The following IMMP2L variants were observed in gnomAD, a reference collection of about 807,000 sequenced individuals.
The protein encoded by IMMP2L is mitochondrial inner membrane protease subunit 2.
In IMMP2L, 18 loss-of-function variants were observed where a neutral mutation model predicts 19.3. That is an observed-to-expected ratio of 0.93 (90% CI 0.64 to 1.38). The LOEUF (loss-of-function observed/expected upper bound fraction) is 1.38. IMMP2L is among the 40% of genes most tolerant of loss of function. IMMP2L has a pLI of 0.00. For synonymous variants in IMMP2L, 76 were observed against 73.0 expected (o/e 1.04, Z -0.21); for missense variants, 233 against 218.2 (o/e 1.07, Z -0.43).
chr7:111,493,598 G>A (rs765956739), intron 2 of IMMP2L, among the ~76,000 whole-genome samples: 7 of 151,970 alleles, frequency 4.6e-5, no homozygotes, highest in Non-Finnish European at 8.8e-5. Flanking sequence ...CCAGCTACTC[G>A]GGAGGCTGAG....
intron 1 of IMMP2L, among the ~76,000 whole-genome samples, chr7:111,534,147 G>A (rs1847655081): frequency 6.6e-6 from 1 of 152,034 alleles, no homozygotes; most frequent in Non-Finnish European, 1.5e-5. Context: ...AATGTTACAT[G>A]AATATACCTT....
chr7:111,492,647 A>G (rs1269018645), intron 2 of IMMP2L, among the ~76,000 whole-genome samples: 1 of 152,182 alleles, frequency 6.6e-6, no homozygotes, highest in Admixed American at 6.5e-5. Context: ...TTATAGAATC[A>G]CTCAAATGCC....
chr7:111,515,311 G>A (rs1845788446), intron 2 of IMMP2L, among the ~76,000 whole-genome samples: 1 of 152,090 alleles, frequency 6.6e-6, no homozygotes, highest in African/African-American at 2.4e-5. Flanking sequence ...CTCTCTCAGA[G>A]CCTAGACAAT....
chr7:110,667,891 G>A (rs980736949), intron 5 of IMMP2L, among the ~76,000 whole-genome samples: 7 of 152,238 alleles, frequency 4.6e-5, no homozygotes, highest in East Asian at 1.9e-4. Flanking sequence ...CACCCCATCC[G>A]CAATAGGTAA....
intron 1 of IMMP2L, among the ~76,000 whole-genome samples, chr7:111,543,458 A>C (rs1365740192): frequency 6.6e-6 from 1 of 152,162 alleles, no homozygotes; most frequent in Non-Finnish European, 1.5e-5. Context: ...CAAAGAAATG[A>C]GATAAGCCTT....
chr7:110,918,101 T>A (rs1000426420), intron 4 of IMMP2L, among the ~76,000 whole-genome samples: 8 of 152,154 alleles, frequency 5.3e-5, no homozygotes, highest in African/African-American at 1.9e-4. Context: ...AATGTACAAG[T>A]CTCTCCCTCA....
chr7:110,678,957 GT>G (rs1018637619), intron 5 of IMMP2L, among the ~76,000 whole-genome samples: 2 of 152,120 alleles, frequency 1.3e-5, no homozygotes, highest in African/African-American at 4.8e-5. Context: ...TAGGACAAGT[GT>G]TTTCCTTCAT....
intron 3 of IMMP2L, among the ~76,000 whole-genome samples, chr7:111,310,150 G>A (rs1181246839): frequency 2.6e-5 from 4 of 151,120 alleles, no homozygotes; most frequent in African/African-American, 7.3e-5. Flanking sequence ...CAGGAGAATC[G>A]CTTGAACCCG....
intron 3 of IMMP2L, among the ~76,000 whole-genome samples, chr7:111,312,753 G>A (rs551274656): frequency 3.0e-4 from 45 of 152,204 alleles, no homozygotes; most frequent in African/African-American, 1.1e-3. Flanking sequence ...CACTGGCAAT[G>A]ATATACTATT....
At chr7:111,286,606 G>GAGTT (rs1407290978) in intron 3 of IMMP2L, among the ~76,000 whole-genome samples, 3 of 152,148 alleles carry the variant, frequency 2.0e-5, no homozygotes, top group African/African-American at 4.8e-5. Flanking sequence ...AAGTGGCATA[G>GAGTT]AGTTTGAGAT....
At chr7:111,131,963 A>G (rs1446591741) in intron 3 of IMMP2L, among the ~76,000 whole-genome samples, 1 of 151,918 alleles carries the variant, frequency 6.6e-6, no homozygotes. Flanking sequence ...AATAACTAAT[A>G]GGTGATTTTT....
intron 3 of IMMP2L, among the ~76,000 whole-genome samples, chr7:111,000,019 T>G (rs1265596770): frequency 6.6e-6 from 1 of 152,166 alleles, no homozygotes; most frequent in Non-Finnish European, 1.5e-5. Context: ...ACTAAAAGCC[T>G]GAGTTTTCCC....
intron 3 of IMMP2L, among the ~76,000 whole-genome samples, chr7:111,214,504 G>GTTTTTT (rs71151836): frequency 2.1e-5 from 2 of 97,042 alleles, no homozygotes; most frequent in Non-Finnish European, 3.9e-5. Flanking sequence ...CACCAAATCT[G>GTTTTTT]TTTTTTTTTT....
intron 3 of IMMP2L, among the ~76,000 whole-genome samples, chr7:111,067,754 A>G (rs1006159764): frequency 3.9e-5 from 6 of 152,238 alleles, no homozygotes; most frequent in African/African-American, 1.4e-4. Flanking sequence ...AGGTGGTAAA[A>G]GTGACATTCA....
chr7:111,458,617 C>T (rs1839881222), intron 3 of IMMP2L, among the ~76,000 whole-genome samples: 1 of 151,878 alleles, frequency 6.6e-6, no homozygotes, highest in Non-Finnish European at 1.5e-5. Flanking sequence ...TTCTCCTATC[C>T]CTCTGTTCTT....
At chr7:110,883,023 T>C (rs568170277) in intron 5 of IMMP2L, among the ~76,000 whole-genome samples, 1 of 152,158 alleles carries the variant, frequency 6.6e-6, no homozygotes, top group African/African-American at 2.4e-5. Flanking sequence ...CTTCGCATGA[T>C]TTAAAAACAT....
chr7:111,263,095 C>G (rs1490606509), intron 3 of IMMP2L, among the ~76,000 whole-genome samples: 2 of 152,016 alleles, frequency 1.3e-5, no homozygotes, highest in Non-Finnish European at 2.9e-5. Flanking sequence ...CACTGTAAGG[C>G]CTTTGACTTC....
intron 3 of IMMP2L, among the ~76,000 whole-genome samples, chr7:111,128,583 A>T (rs901015495): frequency 6.6e-6 from 1 of 152,122 alleles, no homozygotes; most frequent in African/African-American, 2.4e-5. Flanking sequence ...TCCCAACACT[A>T]TGGGAGGCTT....
rs187315929 is a variant in IMMP2L at position 111,397,621 on chromosome 7, T to C, written c.239+89617A>G. ...TGATGGATGAAAAAGTATGTCTCAT[T>C]TAATTTCATGCCATTTCATTTACAA... On this transcript the variant is annotated intron_variant, in intron 3 of 5. Coordinates refer to ENST00000405709, the MANE Select transcript of IMMP2L (RefSeq NM_032549.4). Among the ~76,000 whole-genome samples, 100 of 152,300 alleles carry C rather than the reference T, an allele frequency of 6.6e-4. No individual in the cohort carries two copies. The East Asian group carries it at 0.015, about 23-fold the overall frequency.
Sources: gnomAD v4.1 joint callset for allele counts (sites outside exome capture counted in the v4.1 genomes callset) on GRCh38, gnomAD v4.1.1 for gene constraint, MANE v1.5 for transcripts, NCBI Gene and HGNC (gene_info 2026-07-23, HGNC 2026-07-21) for gene names.